Variants in ETS1 observed in about 807,000 individuals in gnomAD.
The protein encoded by ETS1 is ETS proto-oncogene 1, transcription factor.
In ETS1, 15 loss-of-function variants were observed where a neutral mutation model predicts 58.6. The observed-to-expected ratio is 0.26, with a 90% CI of 0.17 to 0.39. The LOEUF is 0.39. Among genes scored for constraint, ETS1 ranks in the 10% least tolerant of loss-of-function variants. ETS1 has a pLI of 1.00. For missense variants in ETS1, 417 were observed against 610.5 expected (o/e 0.68, Z 3.34); for synonymous variants, 214 against 218.2 (o/e 0.98, Z 0.17).
At chr11:128,467,628 A>T (rs1323566809) in intron 8 of ETS1, among the ~76,000 whole-genome samples, 1 of 152,076 alleles carries the variant, frequency 6.6e-6, no homozygotes, top group African/African-American at 2.4e-5. Context: ...CCTAGAGCAG[A>T]AAACGGTACT....
intron 3 of ETS1, among the ~76,000 whole-genome samples, chr11:128,546,474 G>A (rs1356045738): frequency 2.6e-5 from 4 of 152,076 alleles, no homozygotes; most frequent in Non-Finnish European, 5.9e-5. Context: ...GATATAAAAT[G>A]GTGTAGTATT....
rs538656150 is a variant in ETS1, at chr11:128,567,264, G to T, written c.69+5798C>A. Among the ~76,000 whole-genome samples, 9 of 152,358 alleles carry T rather than the reference G, an allele frequency of 5.9e-5. No homozygotes were observed. The East Asian group carries it at 1.7e-3, about 29-fold the overall frequency. On this transcript the variant is annotated intron_variant, in intron 2 of 9. Coordinates refer to ENST00000392668, the MANE Select transcript of ETS1 (RefSeq NM_001143820.2). ...GGAGGGACGGAGGCCAATGCCCAGA[G>T]CTGGCAATGACTGACAGCCTCCCTG...
rs141533101 is a variant in ETS1, at chr11:128,558,802, G to T, written c.70-2367C>A. 7.9e-3 allele frequency among the ~76,000 whole-genome samples: 1,200 copies of T among 152,158 alleles called. 20 individuals are homozygous for T. Among genetic ancestry groups the T allele is most frequent in the African/African-American group, 0.027 (1,137 of 41,492 alleles). On this transcript the variant is annotated intron_variant, in intron 2 of 9. Transcript: ENST00000392668. The stretch of plus-strand genomic sequence containing the variant: ...GCAGCTACATTAAATACTTCTTTTG[G>T]ATTCCCAACAATAAGCAGGTCTTTA...
At chr11:128,573,677 T>C (rs1402258213) in intron 1 of ETS1, among the ~76,000 whole-genome samples, 1 of 152,138 alleles carries the variant, frequency 6.6e-6, no homozygotes, top group Non-Finnish European at 1.5e-5. Context: ...TGAGCATTAT[T>C]GATCTTGAAA....
chr11:128,461,471 A>G lies in ETS1; in HGVS notation c.*890T>C, dbSNP rs1462604625. On this transcript the variant is annotated 3_prime_UTR_variant, in exon 10 of 10. Transcript: ENST00000392668. ...AGCTCAACATTAAGTCCAAACCCCG[A>G]GAATCCACTGATAACAAGTAAGTAA... The G allele has an allele frequency of 6.5e-6, 1 of 152,798 alleles. No individual in the cohort carries two copies. Among genetic ancestry groups the G allele is most frequent in the Non-Finnish European group, 1.5e-5 (1 of 68,042 alleles). 9.5% of individuals were successfully genotyped at this position (152,798 alleles called of 1,614,324 possible). A position where few individuals can be genotyped will look rare whatever the true frequency, so the allele number is the denominator to read the frequency against.
At chr11:128,498,459 A>C (rs1029116011) in intron 3 of ETS1, among the ~76,000 whole-genome samples, 2 of 152,176 alleles carry the variant, frequency 1.3e-5, no homozygotes, top group Non-Finnish European at 2.9e-5. Context: ...TGCATCCTCC[A>C]ATCTGCTAAC....
chr11:128,576,594 T>C (rs1864753717), intron 1 of ETS1, among the ~76,000 whole-genome samples: 1 of 152,120 alleles, frequency 6.6e-6, no homozygotes, highest in Admixed American at 6.5e-5. Context: ...AGTTTATTTT[T>C]CTTGAAAAGG....
At chr11:128,563,614 T>C (rs1236374553) in intron 2 of ETS1, among the ~76,000 whole-genome samples, 1 of 152,204 alleles carries the variant, frequency 6.6e-6, no homozygotes, top group East Asian at 1.9e-4. Flanking sequence ...ACAACCTTCA[T>C]TGGATAAACA....
chr11:128,531,004 A>G (rs1051047591), intron 3 of ETS1, among the ~76,000 whole-genome samples: 2 of 152,214 alleles, frequency 1.3e-5, no homozygotes, highest in African/African-American at 4.8e-5. Flanking sequence ...TGGAGGTAAA[A>G]AGGCTATTGC....
intron 3 of ETS1, among the ~76,000 whole-genome samples, chr11:128,512,811 T>C (rs967113517): frequency 1.2e-4 from 19 of 152,256 alleles, no homozygotes; most frequent in Admixed American, 4.6e-4. Context: ...GGAGGGACTG[T>C]TTCTGACCAG....
At chr11:128,513,665 G>A (rs978823501) in intron 3 of ETS1, among the ~76,000 whole-genome samples, 2 of 152,210 alleles carry the variant, frequency 1.3e-5, no homozygotes, top group African/African-American at 4.8e-5. Flanking sequence ...TATCAAATAG[G>A]AGAAATGTGT....
intron 9 of ETS1, 50 bp from the exon 10 acceptor site, chr11:128,462,626 A>G: frequency 7.0e-7 from 1 of 1,423,356 alleles, no homozygotes; most frequent in Non-Finnish European, 9.9e-7. Context: ...AATCTACAAG[A>G]CAGGCCAAAT....
chr11:128,466,792 C>A (rs1862049495), intron 8 of ETS1, among the ~76,000 whole-genome samples: 1 of 151,460 alleles, frequency 6.6e-6, no homozygotes, highest in African/African-American at 2.4e-5. Context: ...CTGTTTACAC[C>A]CAAGGAAAGA....
chr11:128,477,221 C>T (rs1862346546), intron 8 of ETS1, among the ~76,000 whole-genome samples: 1 of 152,150 alleles, frequency 6.6e-6, no homozygotes, highest in East Asian at 1.9e-4. Flanking sequence ...TGACATAGAG[C>T]TATGTGTACC....
chr11:128,483,884 G>T (rs1862555328), intron 7 of ETS1, among the ~76,000 whole-genome samples: 4 of 152,164 alleles, frequency 2.6e-5, no homozygotes, highest in Admixed American at 6.5e-5. Flanking sequence ...GCTTTCTCCT[G>T]TTCCTCTTCC....
At chr11:128,481,516 T>C (rs905090255) in intron 7 of ETS1, among the ~76,000 whole-genome samples, 3 of 152,134 alleles carry the variant, frequency 2.0e-5, no homozygotes, top group African/African-American at 7.2e-5. Context: ...AACTTTCAGA[T>C]ACTTTTCAAG....
Position 128,462,221 on chromosome 11 carries a change from C to T in ETS1, c.*140G>A. On this transcript the variant is annotated 3_prime_UTR_variant, in exon 10 of 10. Transcript: ENST00000392668. ...TGCGCACAATTGATTACAGCTGCAA[C>T]TGACTTAGCTCCCACCCCTGAAGGT... The T allele has an allele frequency of 1.5e-6, 1 of 655,620 alleles. No individual in the cohort carries two copies. Among genetic ancestry groups the T allele is most frequent in the Non-Finnish European group, 2.6e-6 (1 of 386,344 alleles). The allele number at this position is 655,620 out of a possible 1,614,324, so 40.6% of individuals were successfully genotyped here.
At chr11:128,493,451 A>G (rs760951702) in intron 3 of ETS1, among the ~76,000 whole-genome samples, 8 of 152,166 alleles carry the variant, frequency 5.3e-5, no homozygotes, top group African/African-American at 7.2e-5. Flanking sequence ...TGCCATCTCC[A>G]CAAGCCCAGT....
At position 128,490,559 on chromosome 11, in the gene ETS1, C is replaced by T; in HGVS notation, c.232G>A (p.Val78Ile). The T allele has an allele frequency of 6.2e-7, 1 of 1,611,424 alleles. No individual in the cohort carries two copies. The highest frequency in any genetic ancestry group is 1.1e-5 in the South Asian group (1 of 91,054). ...HCVSDMECAD[V>I]PLLTPSSKEM... The stretch of plus-strand genomic sequence containing the variant: ...TTGCTGCTTGGAGTTAATAGTGGGA[C>T]ATCTGCACATTCCATATCTGCATGA... Residue 78 changes from valine to isoleucine, a missense_variant, in exon 4 of 10, where the codon GTC becomes ATC. Val to Ile is a conservative substitution (Grantham distance 29). Coordinates refer to ENST00000392668, the MANE Select transcript of ETS1 (RefSeq NM_001143820.2).
Sources: allele counts gnomAD v4.1 joint callset (sites outside exome capture counted in the v4.1 genomes callset), GRCh38; gene constraint gnomAD v4.1.1; transcripts MANE v1.5; gene names NCBI Gene and HGNC (gene_info 2026-07-23, HGNC 2026-07-21).